SOX5: variants seen among roughly 807,000 people sequenced by gnomAD.
SOX5 encodes transcription factor SOX-5.
SOX5 carries 9 observed loss-of-function variants against 92.0 expected under a neutral mutation model. The ratio of observed to expected loss-of-function variants is 0.10; its 90% CI spans 0.06 to 0.17. SOX5 has a LOEUF of 0.17. Among genes scored for constraint, SOX5 ranks in the 10% least tolerant of loss-of-function variants. The pLI is 1.00. For synonymous variants in SOX5, 344 were observed against 336.3 expected, an observed-to-expected ratio of 1.02 and a Z score of -0.25; for missense variants, 642 against 944.5, an observed-to-expected ratio of 0.68 and a Z score of 4.20.
intron 11 of SOX5, among the ~76,000 whole-genome samples, chr12:23,549,838 A>T (rs1406212289): frequency 2.6e-5 from 4 of 152,010 alleles, no homozygotes; most frequent in Non-Finnish European, 5.9e-5. Context: ...AAGTCTGTTT[A>T]AAAACAGACT....
At chr12:23,954,691 G>A (rs1388143554), upstream of SOX5, among the ~76,000 whole-genome samples, 1 of 151,930 alleles carries the variant, frequency 6.6e-6, no homozygotes, top group African/African-American at 2.4e-5. Context: ...CAAGGAACTG[G>A]TACACAATAG....
At chr12:24,073,612 TA>T (rs1268001201) in intron 4 of SOX5, among the ~76,000 whole-genome samples, 1 of 152,176 alleles carries the variant, frequency 6.6e-6, no homozygotes, top group Non-Finnish European at 1.5e-5. Context: ...CCATTTTCAA[TA>T]AAACTGCCAA....
chr12:23,826,502 G>T (rs1172290052), intron 3 of SOX5, among the ~76,000 whole-genome samples: 1 of 152,040 alleles, frequency 6.6e-6, no homozygotes, highest in Non-Finnish European at 1.5e-5. Flanking sequence ...CATTTACTTG[G>T]ATATGGATGC....
chr12:24,476,364 C>T (rs916091061), intron 1 of SOX5, among the ~76,000 whole-genome samples: 10 of 152,108 alleles, frequency 6.6e-5, no homozygotes, highest in Non-Finnish European at 1.2e-4. Flanking sequence ...AAAAACTGGC[C>T]CTCATCACAG....
chr12:23,706,366 G>A (rs2091390665), intron 6 of SOX5, among the ~76,000 whole-genome samples: 1 of 151,956 alleles, frequency 6.6e-6, no homozygotes, highest in African/African-American at 2.4e-5. Flanking sequence ...AAGATATTCA[G>A]TCAATTGCTG....
intron 1 of SOX5, among the ~76,000 whole-genome samples, chr12:24,454,174 T>C (rs961903271): frequency 9.9e-5 from 15 of 152,176 alleles, no homozygotes; most frequent in South Asian, 6.2e-4. Context: ...ACCTGAACTA[T>C]TGAAAAAGCG....
intron 1 of SOX5, among the ~76,000 whole-genome samples, chr12:24,375,650 C>T (rs1427173526): frequency 6.6e-6 from 1 of 150,382 alleles, no homozygotes; most frequent in South Asian, 2.1e-4. Flanking sequence ...GCAGGAGAAT[C>T]GCTTGAACCC....
intron 3 of SOX5, among the ~76,000 whole-genome samples, chr12:23,838,848 G>GGGGT (rs2096472197): frequency 9.4e-6 from 1 of 106,768 alleles, no homozygotes; most frequent in Non-Finnish European, 2.0e-5. Flanking sequence ...TTTTTTGGGG[G>GGGGT]GGGGGGGCGG....
chr12:23,862,088 T>C (rs2096762783), intron 2 of SOX5, among the ~76,000 whole-genome samples: 1 of 152,162 alleles, frequency 6.6e-6, no homozygotes, highest in African/African-American at 2.4e-5. Flanking sequence ...GGGTTGTCTT[T>C]AGTTAAGATG....
intron 4 of SOX5, among the ~76,000 whole-genome samples, chr12:24,090,085 T>C (rs1360666914): frequency 6.6e-6 from 1 of 152,166 alleles, no homozygotes; most frequent in Non-Finnish European, 1.5e-5. Flanking sequence ...TTTAACAGCA[T>C]TGTAACATTT....
chr12:23,943,930 C>G (rs143396522), intron 1 of SOX5, among the ~76,000 whole-genome samples: 1 of 151,962 alleles, frequency 6.6e-6, no homozygotes, highest in East Asian at 1.9e-4. Flanking sequence ...AAACAAAAAA[C>G]GCATGTTAAC....
At chr12:24,126,436 T>C (rs935555047) in intron 4 of SOX5, among the ~76,000 whole-genome samples, 3 of 152,172 alleles carry the variant, frequency 2.0e-5, no homozygotes, top group East Asian at 3.9e-4. Context: ...AAAACCAGGA[T>C]AGCACCCTTA....
intron 3 of SOX5, among the ~76,000 whole-genome samples, chr12:24,215,586 GA>G (rs1401809451): frequency 2.0e-5 from 3 of 151,844 alleles, no homozygotes; most frequent in Non-Finnish European, 4.4e-5. Flanking sequence ...AAACATCTTT[GA>G]AAAAAATTAA....
chr12:24,222,570 G>A (rs1020394081), intron 3 of SOX5, among the ~76,000 whole-genome samples: 12 of 152,100 alleles, frequency 7.9e-5, no homozygotes, highest in East Asian at 1.9e-4. Context: ...ATCAAGGCAC[G>A]TTACAAACTA....
At chr12:24,502,842 A>G (rs1292861362) in intron 1 of SOX5, among the ~76,000 whole-genome samples, 1 of 152,214 alleles carries the variant, frequency 6.6e-6, no homozygotes, top group Non-Finnish European at 1.5e-5. Context: ...AGAAAAACAC[A>G]TCAATTTTAC....
intron 1 of SOX5, among the ~76,000 whole-genome samples, chr12:24,401,401 G>C (rs987319788): frequency 2.0e-5 from 3 of 149,668 alleles, no homozygotes; most frequent in Non-Finnish European, 4.4e-5. Flanking sequence ...ATTATATTTT[G>C]AACTATGTCC....
chr12:23,915,853 T>C (rs1436562644), intron 1 of SOX5, among the ~76,000 whole-genome samples: 2 of 152,198 alleles, frequency 1.3e-5, no homozygotes, highest in Admixed American at 6.5e-5. Context: ...TCATTCTATG[T>C]GCAGGACTTA....
At chr12:24,361,076 C>T (rs1404073596) in intron 2 of SOX5, among the ~76,000 whole-genome samples, 3 of 152,098 alleles carry the variant, frequency 2.0e-5, no homozygotes, top group Admixed American at 1.3e-4. Flanking sequence ...TAGGTCAGCT[C>T]CTCGTATCGA....
At chr12:23,827,210 T>A (rs1271506311) in intron 3 of SOX5, among the ~76,000 whole-genome samples, 1 of 152,182 alleles carries the variant, frequency 6.6e-6, no homozygotes, top group Non-Finnish European at 1.5e-5. Flanking sequence ...AGTTTACATA[T>A]AAAAACTATC....
Sources: allele counts gnomAD v4.1 joint callset (sites outside exome capture counted in the v4.1 genomes callset), GRCh38; gene constraint gnomAD v4.1.1; transcripts MANE v1.5; gene names NCBI Gene and HGNC (gene_info 2026-07-23, HGNC 2026-07-21).